The following BCAS3 variants were observed in gnomAD, a reference collection of about 807,000 sequenced individuals.
The protein encoded by BCAS3 is BCAS4/BCAS3 fusion.
BCAS3 carries 53 observed loss-of-function variants against 116.1 expected under a neutral mutation model. The observed-to-expected ratio is 0.46, with a 90% CI of 0.37 to 0.57. BCAS3 has a LOEUF of 0.57. Among genes scored for constraint, BCAS3 ranks in the 20% least tolerant of loss-of-function variants. The probability of loss-of-function intolerance (pLI) is 0.00; values close to 1 mark genes in which losing one functional copy is unlikely to be tolerated. For synonymous variants in BCAS3, 391 were observed against 408.2 expected, an observed-to-expected ratio of 0.96 and a Z score of 0.51; for missense variants, 917 against 1,165.4, an observed-to-expected ratio of 0.79 and a Z score of 3.10.
chr17:60,896,681 C>CT (rs898960216), intron 10 of BCAS3, among the ~76,000 whole-genome samples: 10 of 149,192 alleles, frequency 6.7e-5, no homozygotes, highest in South Asian at 2.1e-4. Flanking sequence ...TGGAATATCT[C>CT]TTTTTTTTTC....
At chr17:60,824,415 T>C (rs1325511051) in intron 7 of BCAS3, among the ~76,000 whole-genome samples, 1 of 152,210 alleles carries the variant, frequency 6.6e-6, no homozygotes, top group Non-Finnish European at 1.5e-5. Flanking sequence ...TTCTGATGCT[T>C]TCCTTCTCTG....
At chr17:61,254,650 G>A (rs572156007) in intron 22 of BCAS3, among the ~76,000 whole-genome samples, 3 of 151,532 alleles carry the variant, frequency 2.0e-5, no homozygotes, top group South Asian at 2.1e-4. Flanking sequence ...GGTGGTGGGC[G>A]CCTGTAGTCC....
intron 19 of BCAS3, among the ~76,000 whole-genome samples, chr17:61,062,597 C>G (rs2070180796): frequency 6.6e-6 from 1 of 152,068 alleles, no homozygotes; most frequent in African/African-American, 2.4e-5. Context: ...GTGTGTGTCT[C>G]TCCAGGTAGA....
intron 7 of BCAS3, among the ~76,000 whole-genome samples, chr17:60,849,070 G>A (rs2052803930): frequency 6.6e-6 from 1 of 152,148 alleles, no homozygotes; most frequent in South Asian, 2.1e-4. Context: ...ATATTAGTCA[G>A]TGTATATAAA....
chr17:61,386,784 T>C (rs200868195), intron 23 of BCAS3, among the ~76,000 whole-genome samples: 1 of 122,228 alleles, frequency 8.2e-6, no homozygotes, highest in Admixed American at 1.0e-4. Flanking sequence ...TTTTTTTTTG[T>C]TTTTGTTTTT....
chr17:60,831,825 T>G (rs1173276535), intron 7 of BCAS3, among the ~76,000 whole-genome samples: 1 of 151,554 alleles, frequency 6.6e-6, no homozygotes, highest in African/African-American at 2.4e-5. Context: ...TTTATCTCTG[T>G]GGAAAATATA....
chr17:60,873,862 C>T (rs1414679366), intron 8 of BCAS3, among the ~76,000 whole-genome samples: 1 of 145,466 alleles, frequency 6.9e-6, no homozygotes, highest in Non-Finnish European at 1.5e-5. Flanking sequence ...ATTATCTTCT[C>T]CATTCTTTTT....
rs113661559 is a variant in BCAS3, at chr17:61,181,091, T to G, written c.2425+96527T>G. On this transcript the variant is annotated intron_variant, in intron 22 of 23. Coordinates refer to ENST00000407086, the MANE Select transcript of BCAS3 (RefSeq NM_017679.5). This position sits in a 1 kb window ranked among gnomAD's most constrained non-coding sequence, Gnocchi z 5.0. Reference sequence around the variant, plus strand: ...ATAAAAAAAAATTAGCCCAGAATGGTGGCACACGCCTGTAGTCTCAGCTAC... The same window carrying G: ...ATAAAAAAAAATTAGCCCAGAATGGGGGCACACGCCTGTAGTCTCAGCTAC... Among the ~76,000 whole-genome samples the G allele has an allele frequency of 0.057, 8,642 of 152,110 alleles. 822 individuals carry two copies. The highest frequency in any genetic ancestry group is 0.19 in the African/African-American group (8,073 of 41,466).
At chr17:60,895,118 G>A (rs878935656) in intron 10 of BCAS3, among the ~76,000 whole-genome samples, 26 of 151,906 alleles carry the variant, frequency 1.7e-4, no homozygotes, top group African/African-American at 6.0e-4. Context: ...TATTTTTTTG[G>A]AATAGTTTCA....
At chr17:60,753,934 A>C (rs11650334) in intron 6 of BCAS3, among the ~76,000 whole-genome samples, 110,196 of 151,926 alleles carry the variant, frequency 0.73, 45,681 homozygotes, top group South Asian at 0.98. Flanking sequence ...GAGGGGTACC[A>C]CATAATGAAT....
intron 15 of BCAS3, among the ~76,000 whole-genome samples, chr17:61,011,491 A>G (rs760411945): frequency 2.0e-5 from 3 of 152,108 alleles, no homozygotes; most frequent in South Asian, 4.1e-4. Flanking sequence ...TGAAAGCCGC[A>G]GACTCCAGTC....
chr17:60,725,196 T>C (rs954237396), intron 5 of BCAS3, among the ~76,000 whole-genome samples: 2 of 152,204 alleles, frequency 1.3e-5, no homozygotes, highest in African/African-American at 4.8e-5. Flanking sequence ...CTTTACCCAA[T>C]TAATTGGAAT....
At position 60,983,409 on chromosome 17, in the gene BCAS3, T is replaced by C. The variant is rs532694539; in HGVS notation, c.1222-6562T>C. Among the ~76,000 whole-genome samples the C allele has an allele frequency of 3.9e-5, 6 of 152,240 alleles. 1 individual carries two copies. In the South Asian group the frequency reaches 1.2e-3, roughly 32 times the overall value. On this transcript the variant is annotated intron_variant, in intron 14 of 23. Transcript: ENST00000407086. ...ATAGCAACAGTTATATTATTTTACA[T>C]CTTGTGGATAGGCAACTTGTTATCC... is the stretch of plus-strand genomic sequence containing the variant.
intron 22 of BCAS3, among the ~76,000 whole-genome samples, chr17:61,116,270 A>AAATC (rs1199826230): frequency 9.3e-4 from 39 of 41,768 alleles, no homozygotes; most frequent in South Asian, 1.8e-3. Flanking sequence ...ATAAATAAAT[A>AAATC]AATAAAATAA....
chr17:60,749,108 A>G (rs2042237296), intron 6 of BCAS3: 1 of 152,144 alleles, frequency 6.6e-6, no homozygotes, highest in Admixed American at 6.5e-5. Flanking sequence ...TGTAATGGAA[A>G]AGAGTAATAC....
intron 18 of BCAS3, among the ~76,000 whole-genome samples, chr17:61,038,468 T>A (rs547258730): frequency 1.3e-5 from 2 of 151,922 alleles, no homozygotes; most frequent in East Asian, 3.9e-4. Flanking sequence ...TTGGCCAGGA[T>A]GGTCTCGATC....
intron 14 of BCAS3, among the ~76,000 whole-genome samples, chr17:60,950,967 G>A (rs770020977): frequency 4.1e-4 from 62 of 152,272 alleles, no homozygotes; most frequent in Non-Finnish European, 7.1e-4. Context: ...AGTGAATCCC[G>A]TGGAGATTTT....
At position 61,231,497 on chromosome 17, in the gene BCAS3, GTT is replaced by G. The variant is rs1341491835; in HGVS notation, c.2426-136826_2426-136825del. On this transcript the variant is annotated intron_variant, in intron 22 of 23. Coordinates refer to ENST00000407086, the MANE Select transcript of BCAS3 (RefSeq NM_017679.5). Reference sequence around the variant, plus strand: ...AAGTCATACCATGAAGTACAAAGCTGTTTTTAACCCATACCTTTCTTAAGTTC... The same window carrying G: ...AAGTCATACCATGAAGTACAAAGCTGTTTAACCCATACCTTTCTTAAGTTC... Among the ~76,000 whole-genome samples, 63 of 152,254 alleles carry G rather than the reference GTT, an allele frequency of 4.1e-4. 1 individual carries two copies. The highest frequency in any genetic ancestry group is 1.5e-3 in the African/African-American group (61 of 41,536).
chr17:61,325,178 C>T lies in BCAS3; in HGVS notation c.2426-43149C>T, dbSNP rs1475184628. 1.3e-5 allele frequency among the ~76,000 whole-genome samples: 2 copies of T among 152,156 alleles called. No individual in the cohort carries two copies. Among genetic ancestry groups the T allele is most frequent in the Non-Finnish European group, 2.9e-5 (2 of 68,038 alleles). ...GTGTCTCTGTGGACCACAACAGGAC[C>T]ACAGGCTGTTACACAGTTAGCATTT... is the stretch of plus-strand genomic sequence containing the variant. On this transcript the variant is annotated intron_variant, in intron 22 of 23. Coordinates refer to ENST00000407086, the MANE Select transcript of BCAS3 (RefSeq NM_017679.5). This position sits in a 1 kb window ranked among gnomAD's most constrained non-coding sequence, Gnocchi z 6.4.
Sources: gnomAD v4.1 joint callset for allele counts (sites outside exome capture counted in the v4.1 genomes callset) on GRCh38, gnomAD v4.1.1 for gene constraint, Gnocchi (gnomAD v3.1) non-coding constraint, MANE v1.5 for transcripts, NCBI Gene and HGNC (gene_info 2026-07-23, HGNC 2026-07-21) for gene names.